Variants in HECW1 observed in about 807,000 individuals in gnomAD.
HECW1 encodes the protein E3 ubiquitin-protein ligase HECW1.
Under a neutral mutation model 182.3 loss-of-function variants are expected in HECW1, and 61 were observed. The ratio of observed to expected loss-of-function variants is 0.33; its 90% CI spans 0.27 to 0.41. HECW1 has a LOEUF of 0.41. Ranked by LOEUF, HECW1 falls within the 10% of genes least tolerant of loss-of-function variation. The probability of loss-of-function intolerance (pLI) is 1.00; values close to 1 mark genes in which losing one functional copy is unlikely to be tolerated. For missense variants in HECW1, 1,739 were observed against 2,108.9 expected, an observed-to-expected ratio of 0.82 and a Z score of 3.44; for synonymous variants, 859 against 832.6, an observed-to-expected ratio of 1.03 and a Z score of -0.55.
At chr7:43,424,291 C>T (rs1194513021) in intron 8 of HECW1, among the ~76,000 whole-genome samples, 2 of 152,072 alleles carry the variant, frequency 1.3e-5, no homozygotes, top group African/African-American at 4.8e-5. Context: ...TTTTTCAGGG[C>T]AATGGGTTAT....
chr7:43,205,445 A>G (rs1192194845), intron 2 of HECW1, among the ~76,000 whole-genome samples: 1 of 152,134 alleles, frequency 6.6e-6, no homozygotes, highest in East Asian at 1.9e-4. Flanking sequence ...ACTGATGGGA[A>G]CTATGCTAGT....
intron 2 of HECW1, among the ~76,000 whole-genome samples, chr7:43,115,315 T>TTG (rs1784953792): frequency 6.7e-6 from 1 of 150,098 alleles, no homozygotes; most frequent in South Asian, 2.1e-4. Context: ...TTTTTTTTTT[T>TTG]GTCCACTATA....
chr7:43,361,019 T>A, intron 6 of HECW1, 39 bp downstream of exon 6: 1 of 1,401,954 alleles, frequency 7.1e-7, no homozygotes, highest in Non-Finnish European at 9.9e-7. Flanking sequence ...GACCTAACTC[T>A]GGTCTTTCTT....
intron 2 of HECW1, among the ~76,000 whole-genome samples, chr7:43,171,529 A>G (rs535130978): frequency 1.3e-5 from 2 of 152,352 alleles, no homozygotes; most frequent in East Asian, 3.9e-4. Context: ...GACAATGCTC[A>G]GGAGCTCCAT....
intron 6 of HECW1, among the ~76,000 whole-genome samples, chr7:43,393,448 T>A (rs1179591285): frequency 6.6e-6 from 1 of 152,234 alleles, no homozygotes; most frequent in Non-Finnish European, 1.5e-5. Context: ...GAGTGAGAAG[T>A]CAGGTTGTCA....
chr7:43,456,511 C>A (rs1231515686), intron 13 of HECW1, 64 bp downstream of exon 13: 1 of 1,508,694 alleles, frequency 6.6e-7, no homozygotes, highest in Non-Finnish European at 9.1e-7. Context: ...CAGCTAGAGA[C>A]GCTCCCCTTA....
At chr7:43,331,920 C>T (rs1045727724) in intron 5 of HECW1, among the ~76,000 whole-genome samples, 1 of 152,044 alleles carries the variant, frequency 6.6e-6, no homozygotes, top group Non-Finnish European at 1.5e-5. Flanking sequence ...GGATTGAAGG[C>T]CATGAGGAGT....
At chr7:43,267,112 C>T (rs1340431190) in intron 3 of HECW1, among the ~76,000 whole-genome samples, 2 of 152,102 alleles carry the variant, frequency 1.3e-5, no homozygotes, top group Non-Finnish European at 2.9e-5. Flanking sequence ...AATAATATTA[C>T]ATAAAATCAA....
chr7:43,122,907 G>A (rs1051592260), intron 2 of HECW1, among the ~76,000 whole-genome samples: 8 of 151,974 alleles, frequency 5.3e-5, no homozygotes, highest in African/African-American at 9.7e-5. Context: ...ATCATTTTCC[G>A]TTGCTTATTT....
chr7:43,528,623 G>A (rs766347948), intron 24 of HECW1, among the ~76,000 whole-genome samples: 23 of 152,100 alleles, frequency 1.5e-4, no homozygotes, highest in Non-Finnish European at 3.1e-4. Flanking sequence ...GGTACTTTTA[G>A]AAGTGCTTTC....
intron 8 of HECW1, among the ~76,000 whole-genome samples, chr7:43,427,754 G>C (rs2076406908): frequency 6.6e-6 from 1 of 152,124 alleles, no homozygotes; most frequent in South Asian, 2.1e-4. Flanking sequence ...AGATCATTCA[G>C]GTTGTTGGCA....
At chr7:43,360,834 T>C in intron 5 of HECW1, 52 bp from the exon 6 acceptor site, 1 of 1,354,406 alleles carries the variant, frequency 7.4e-7, no homozygotes, top group Non-Finnish European at 1.1e-6. Context: ...CATAGCTGTC[T>C]CTCCCTGGGT....
In HECW1 at chr7:43,565,582, T is replaced by TTATTA. The variant is rs1563136125; in HGVS notation, c.*3657_*3658insATTAT. ...CTTTATTATTATTATTATTATTATT[T>TTATTA]TTATTATTATTATTATTACGTACTT... On this transcript the variant is annotated 3_prime_UTR_variant, in exon 30 of 30. Transcript: ENST00000395891. 3.1e-5 allele frequency: 5 copies of TTATTA among 161,096 alleles called. No homozygotes were observed. Among genetic ancestry groups the TTATTA allele is most frequent in the African/African-American group, 1.2e-4 (5 of 40,354 alleles). 10.0% of individuals were successfully genotyped at this position (161,096 alleles called of 1,614,324 possible). A position where few individuals can be genotyped will look rare whatever the true frequency, so the allele number is the denominator to read the frequency against.
rs10255363 is a variant in HECW1, at chr7:43,447,134, G to A, written c.2398+1564G>A. 2.0e-5 allele frequency among the ~76,000 whole-genome samples: 3 copies of A among 151,810 alleles called. No homozygotes were observed. In the South Asian group the frequency reaches 6.2e-4, roughly 32 times the overall value. The stretch of plus-strand genomic sequence containing the variant: ...ATACTTTAGGCTTTGTGGGTCAAGA[G>A]GTAAAAAGCTAAATAACTGTTCTCA... On this transcript the variant is annotated intron_variant, in intron 11 of 29. Coordinates refer to ENST00000395891, the MANE Select transcript of HECW1 (RefSeq NM_015052.5).
chr7:43,529,981 G>T (rs188167296), intron 24 of HECW1, among the ~76,000 whole-genome samples: 136 of 150,702 alleles, frequency 9.0e-4, no homozygotes, highest in African/African-American at 3.0e-3. Flanking sequence ...ACAGAGTTTC[G>T]CTCTGTCACC....
chr7:43,126,243 A>G (rs181722630), intron 2 of HECW1, among the ~76,000 whole-genome samples: 86 of 152,016 alleles, frequency 5.7e-4, no homozygotes, highest in African/African-American at 1.9e-3. Flanking sequence ...AACCTTCTTC[A>G]TCATCTATAT....
intron 2 of HECW1, among the ~76,000 whole-genome samples, chr7:43,205,496 A>C (rs940376796): frequency 1.3e-5 from 2 of 152,160 alleles, no homozygotes; most frequent in African/African-American, 4.8e-5. Flanking sequence ...GGATGAAATC[A>C]CTTGTGCTGC....
chr7:43,445,300 G>A lies in HECW1; in HGVS notation c.2128G>A (p.Gly710Ser). 1 of 1,613,538 alleles carries A rather than the reference G, an allele frequency of 6.2e-7. No individual in the cohort carries two copies. The highest frequency in any genetic ancestry group is 2.2e-5 in the East Asian group (1 of 44,874). ...ASCYSPSCYN[G>S]NRFASHTRFS... ...GTGCTACAGCCCCTCCTGCTACAAC[G>A]GCAACAGGTTCGCCAGCCACACGCG... is the stretch of plus-strand genomic sequence containing the variant. The change falls in exon 11 of 30, where the codon GGC (glycine) becomes AGC (serine). Residue 710 changes from glycine (G) to serine (S), a missense_variant. Transcript: ENST00000395891.
intron 2 of HECW1, among the ~76,000 whole-genome samples, chr7:43,210,627 T>C (rs1049871557): frequency 1.3e-5 from 2 of 152,150 alleles, no homozygotes; most frequent in Admixed American, 1.3e-4. Flanking sequence ...GTGAGTGTTA[T>C]AGCTCTATTA....
Sources: allele counts gnomAD v4.1 joint callset (sites outside exome capture counted in the v4.1 genomes callset), GRCh38; gene constraint gnomAD v4.1.1; transcripts MANE v1.5; gene names NCBI Gene and HGNC (gene_info 2026-07-23, HGNC 2026-07-21).